The following TMCC1 variants were observed in gnomAD, a reference collection of about 807,000 sequenced individuals.
TMCC1 encodes transmembrane and coiled-coil domain family 1, also known as transmembrane and coiled-coil domains protein 1.
In TMCC1, 15 loss-of-function variants were observed where a neutral mutation model predicts 52.4. The observed-to-expected ratio is 0.29, with a 90% CI of 0.19 to 0.44. The LOEUF is 0.44. Among genes scored for constraint, TMCC1 ranks in the 20% least tolerant of loss-of-function variants. TMCC1 has a pLI of 1.00. For missense variants in TMCC1, 503 were observed against 806.0 expected, an observed-to-expected ratio of 0.62 and a Z score of 4.55; for synonymous variants, 279 against 301.9, an observed-to-expected ratio of 0.92 and a Z score of 0.79.
intron 4 of TMCC1, among the ~76,000 whole-genome samples, chr3:129,726,265 T>C (rs1560277306): frequency 6.6e-6 from 1 of 152,206 alleles, no homozygotes; most frequent in Non-Finnish European, 1.5e-5. Context: ...ATTCTTACTA[T>C]GTGCCAGGCA....
intron 2 of TMCC1, among the ~76,000 whole-genome samples, chr3:129,838,521 G>A (rs1247068190): frequency 6.6e-6 from 1 of 152,022 alleles, no homozygotes; most frequent in Non-Finnish European, 1.5e-5. Context: ...TTGGGAGGCC[G>A]AGACGGGCAG....
rs1015183915 is a variant in TMCC1 at position 129,811,076 on chromosome 3, G to A, written c.576+16727C>T. ...CCAAGAGTATGCTCCCTAAGACTGT[G>A]TATGTTCTTCTAAATAAGCTTCTAT... is the stretch of plus-strand genomic sequence containing the variant. On this transcript the variant is annotated intron_variant, in intron 4 of 6. Transcript: ENST00000393238. 5.9e-5 allele frequency among the ~76,000 whole-genome samples: 9 copies of A among 152,226 alleles called. No individual in the cohort carries two copies. The South Asian group carries it at 1.5e-3, about 25-fold the overall frequency.
Position 129,891,919 on chromosome 3 carries a change from T to C in TMCC1, c.-435+1575A>G, listed in dbSNP as rs983684366. Reference sequence around the variant, plus strand: ...AAGAAGGCCCAGTTTAAAGTAATGGTGGTTGGTCACCAACTAGTCTAGGGC... The same window carrying C: ...AAGAAGGCCCAGTTTAAAGTAATGGCGGTTGGTCACCAACTAGTCTAGGGC... On this transcript the variant is annotated intron_variant, in intron 1 of 6. Coordinates refer to ENST00000393238, the MANE Select transcript of TMCC1 (RefSeq NM_001017395.5). 2.0e-5 allele frequency among the ~76,000 whole-genome samples: 3 copies of C among 152,240 alleles called. No homozygotes were observed. In the East Asian group the frequency reaches 5.8e-4, roughly 29 times the overall value.
chr3:129,866,503 G>C (rs1025666860), intron 2 of TMCC1, among the ~76,000 whole-genome samples: 5 of 149,714 alleles, frequency 3.3e-5, no homozygotes. Context: ...TCAGCCTCCC[G>C]AGTAGCTGGG....
chr3:129,839,536 T>G (rs1440959234), intron 2 of TMCC1, among the ~76,000 whole-genome samples: 1 of 151,956 alleles, frequency 6.6e-6, no homozygotes, highest in Non-Finnish European at 1.5e-5. Flanking sequence ...AGCAGAATTA[T>G]TTCAGTTCAG....
chr3:129,855,479 C>T (rs760386122), intron 2 of TMCC1, among the ~76,000 whole-genome samples: 14 of 150,950 alleles, frequency 9.3e-5, no homozygotes, highest in Non-Finnish European at 2.1e-4. Context: ...AGTCTCTAGA[C>T]ACTTAAAAAA....
intron 4 of TMCC1, among the ~76,000 whole-genome samples, chr3:129,719,978 T>C (rs1199867058): frequency 1.3e-5 from 2 of 151,840 alleles, no homozygotes; most frequent in Non-Finnish European, 2.9e-5. Context: ...CCCAGGAGTT[T>C]GAGACCAAGC....
chr3:129,878,099 C>T (rs1026419786), intron 2 of TMCC1, among the ~76,000 whole-genome samples: 3 of 152,090 alleles, frequency 2.0e-5, no homozygotes, highest in South Asian at 2.1e-4. Context: ...GCTGGGATTA[C>T]GGGCGCCTAC....
chr3:129,887,459 T>C (rs1256380833), intron 1 of TMCC1, among the ~76,000 whole-genome samples: 1 of 151,304 alleles, frequency 6.6e-6, no homozygotes, highest in Non-Finnish European at 1.5e-5. Flanking sequence ...GAAGAATCAC[T>C]TGAACCCGGG....
At chr3:129,763,972 GAA>G (rs1354190778) in intron 4 of TMCC1, among the ~76,000 whole-genome samples, 7 of 151,660 alleles carry the variant, frequency 4.6e-5, no homozygotes, top group Non-Finnish European at 7.4e-5. Flanking sequence ...ACAAGGGTAA[GAA>G]TATATGTATT....
In TMCC1 at chr3:129,802,408, C is replaced by T. The variant is rs1039274343; in HGVS notation, c.576+25395G>A. On this transcript the variant is annotated intron_variant, in intron 4 of 6. Coordinates refer to ENST00000393238, the MANE Select transcript of TMCC1 (RefSeq NM_001017395.5). Reference sequence around the variant, plus strand: ...AGATGGTGAACTAGGAAACATAGGCCTTCTTTCCCCCAGAGATATTGAGTT... The same window carrying T: ...AGATGGTGAACTAGGAAACATAGGCTTTCTTTCCCCCAGAGATATTGAGTT... Among the ~76,000 whole-genome samples the T allele has an allele frequency of 5.9e-5, 9 of 152,152 alleles. No individual in the cohort carries two copies. The East Asian group carries it at 1.7e-3, about 29-fold the overall frequency.
intron 4 of TMCC1, among the ~76,000 whole-genome samples, chr3:129,680,420 C>T (rs763700691): frequency 1.3e-5 from 2 of 152,046 alleles, no homozygotes; most frequent in Non-Finnish European, 2.9e-5. Flanking sequence ...ATTTTATAGC[C>T]GAAGAAATTG....
chr3:129,788,844 T>C (rs1256086862), intron 4 of TMCC1, among the ~76,000 whole-genome samples: 6 of 152,136 alleles, frequency 3.9e-5, no homozygotes, highest in African/African-American at 1.2e-4. Context: ...ACCAAAATGT[T>C]TGATCTCCTA....
At chr3:129,669,429 GA>G (rs779621556) in intron 5 of TMCC1, among the ~76,000 whole-genome samples, 6 of 151,484 alleles carry the variant, frequency 4.0e-5, no homozygotes, top group Admixed American at 2.0e-4. Flanking sequence ...TGTATCCTTA[GA>G]AAAAAATTTT....
chr3:129,738,604 C>A (rs1361921440), intron 4 of TMCC1, among the ~76,000 whole-genome samples: 1 of 152,098 alleles, frequency 6.6e-6, no homozygotes, highest in African/African-American at 2.4e-5. Context: ...GGGAAGCAGA[C>A]AATTGAACTA....
intron 5 of TMCC1, among the ~76,000 whole-genome samples, chr3:129,665,439 G>A (rs577975115): frequency 6.2e-4 from 94 of 152,342 alleles, no homozygotes; most frequent in African/African-American, 2.1e-3. Context: ...GGGATTCTGA[G>A]AAGGGGAAAT....
intron 4 of TMCC1, among the ~76,000 whole-genome samples, chr3:129,785,702 G>A (rs2055967368): frequency 6.6e-6 from 1 of 152,056 alleles, no homozygotes; most frequent in Non-Finnish European, 1.5e-5. Context: ...TGTCAGACAA[G>A]TTTATTAAGG....
At chr3:129,754,348 C>A (rs1284093832) in intron 4 of TMCC1, among the ~76,000 whole-genome samples, 3 of 152,206 alleles carry the variant, frequency 2.0e-5, no homozygotes, top group African/African-American at 7.2e-5. Context: ...CTAGCCAGGT[C>A]TTTTTATACA....
intron 4 of TMCC1, among the ~76,000 whole-genome samples, chr3:129,763,235 T>A (rs546086206): frequency 1.7e-4 from 25 of 143,084 alleles, no homozygotes; most frequent in African/African-American, 4.8e-4. Flanking sequence ...AATAAATAAA[T>A]AAATAAATAA....
Sources: gnomAD v4.1 joint callset for allele counts (sites outside exome capture counted in the v4.1 genomes callset) on GRCh38, gnomAD v4.1.1 for gene constraint, MANE v1.5 for transcripts, NCBI Gene and HGNC (gene_info 2026-07-23, HGNC 2026-07-21) for gene names.